The following HS3ST2 variants were observed in gnomAD, a reference collection of about 807,000 sequenced individuals.
HS3ST2 encodes heparan sulfate-glucosamine 3-sulfotransferase 2, also known as heparan sulfate glucosamine 3-O-sulfotransferase 2.
In HS3ST2, 17 loss-of-function variants were observed where a neutral mutation model predicts 26.3. The ratio of observed to expected loss-of-function variants is 0.65; its 90% CI spans 0.44 to 0.97. The LOEUF (loss-of-function observed/expected upper bound fraction) is 0.97. Among genes scored for constraint, HS3ST2 ranks in the 50% least tolerant of loss-of-function variants. The pLI, the probability that HS3ST2 is intolerant of heterozygous loss-of-function variation, is 0.00. For missense variants in HS3ST2, 402 were observed against 501.2 expected (o/e 0.80, Z 1.89); for synonymous variants, 237 against 219.2 (o/e 1.08, Z -0.72).
chr16:22,867,637 G>GA (rs1224329293), intron 1 of HS3ST2, among the ~76,000 whole-genome samples: 1 of 152,148 alleles, frequency 6.6e-6, no homozygotes, highest in South Asian at 2.1e-4. Flanking sequence ...CAGTAGGCAT[G>GA]AAAAAAATGG....
chr16:22,851,431 T>A (rs1901516801), intron 1 of HS3ST2, among the ~76,000 whole-genome samples: 1 of 152,254 alleles, frequency 6.6e-6, no homozygotes, highest in Admixed American at 6.5e-5. Flanking sequence ...AAAGAGCCAA[T>A]AATTGGCAAA....
At chr16:22,883,087 T>G (rs972144767) in intron 1 of HS3ST2, among the ~76,000 whole-genome samples, 1 of 151,588 alleles carries the variant, frequency 6.6e-6, no homozygotes, top group African/African-American at 2.4e-5. Flanking sequence ...ATCTGTATAC[T>G]CCATTTGGGG....
At chr16:22,852,945 T>TA (rs5816194) in intron 1 of HS3ST2, among the ~76,000 whole-genome samples, 40,220 of 152,036 alleles carry the variant, frequency 0.26, 6,908 homozygotes, top group African/African-American at 0.48. Context: ...CTGACTAATC[T>TA]CACGAAAGAA....
At chr16:22,896,831 G>A (rs1015394265) in intron 1 of HS3ST2, among the ~76,000 whole-genome samples, 17 of 151,886 alleles carry the variant, frequency 1.1e-4, no homozygotes, top group Non-Finnish European at 2.5e-4. Context: ...TTGAGACAGA[G>A]TCTTGCTTTG....
intron 1 of HS3ST2, among the ~76,000 whole-genome samples, chr16:22,861,548 T>A (rs1901674480): frequency 6.6e-6 from 1 of 152,034 alleles, no homozygotes; most frequent in Non-Finnish European, 1.5e-5. Flanking sequence ...TCCACAGGCA[T>A]CTGAGCTGTC....
At chr16:22,872,164 G>A (rs565644330) in intron 1 of HS3ST2, among the ~76,000 whole-genome samples, 8 of 152,212 alleles carry the variant, frequency 5.3e-5, no homozygotes, top group Non-Finnish European at 1.0e-4. Context: ...CTTGTGATTT[G>A]TCAGCTGAGC....
intron 1 of HS3ST2, among the ~76,000 whole-genome samples, chr16:22,898,076 T>C (rs1902231109): frequency 6.6e-6 from 1 of 152,260 alleles, no homozygotes; most frequent in Non-Finnish European, 1.5e-5. Flanking sequence ...TAGGCTTTGA[T>C]TCCTTCCCAT....
At chr16:22,841,303 T>C (rs1901352180) in intron 1 of HS3ST2, among the ~76,000 whole-genome samples, 2 of 152,062 alleles carry the variant, frequency 1.3e-5, no homozygotes, top group Non-Finnish European at 2.9e-5. Flanking sequence ...CCTCATGATC[T>C]GCCCGCCTTG....
chr16:22,900,680 G>A (rs763522016), intron 1 of HS3ST2, among the ~76,000 whole-genome samples: 3 of 152,028 alleles, frequency 2.0e-5, no homozygotes, highest in Non-Finnish European at 4.4e-5. Flanking sequence ...GGGCAGGGGC[G>A]GGGAGGAAGA....
At chr16:22,891,249 G>A (rs185793000) in intron 1 of HS3ST2, among the ~76,000 whole-genome samples, 1 of 152,292 alleles carries the variant, frequency 6.6e-6, no homozygotes, top group Non-Finnish European at 1.5e-5. Flanking sequence ...ACAGGTACGA[G>A]GTTAATCATA....
In HS3ST2 at chr16:22,835,156, A is replaced by G. The variant is rs535854543; in HGVS notation, c.485+20061A>G. On this transcript the variant is annotated intron_variant, in intron 1 of 1. Coordinates refer to ENST00000261374, the MANE Select transcript of HS3ST2 (RefSeq NM_006043.2). ...TGTATTCGATTATCAACATATTTGA[A>G]CTTTTCAAATATTCATTTTGTTCAT... 2.0e-5 allele frequency among the ~76,000 whole-genome samples: 3 copies of G among 151,908 alleles called. No individual in the cohort carries two copies. In the East Asian group the frequency reaches 5.8e-4, roughly 29 times the overall value.
chr16:22,889,130 G>A (rs376813695), intron 1 of HS3ST2, among the ~76,000 whole-genome samples: 6 of 152,270 alleles, frequency 3.9e-5, no homozygotes, highest in African/African-American at 1.2e-4. Flanking sequence ...ACACAGAAGT[G>A]TCTACCTAAA....
At chr16:22,851,956 A>G (rs566095518) in intron 1 of HS3ST2, among the ~76,000 whole-genome samples, 26 of 152,308 alleles carry the variant, frequency 1.7e-4, no homozygotes, top group African/African-American at 6.3e-4. Flanking sequence ...TTCCTAAAAG[A>G]TGAGAGACAC....
At chr16:22,886,839 C>T (rs1324479809) in intron 1 of HS3ST2, among the ~76,000 whole-genome samples, 1 of 151,960 alleles carries the variant, frequency 6.6e-6, no homozygotes. Flanking sequence ...TGATTCACTG[C>T]AGCCTGAAGC....
intron 1 of HS3ST2, among the ~76,000 whole-genome samples, chr16:22,826,278 T>A (rs1901085088): frequency 6.6e-6 from 1 of 152,140 alleles, no homozygotes; most frequent in South Asian, 2.1e-4. Context: ...TCAAGAGAGC[T>A]GGTGCCTATG....
Position 22,875,055 on chromosome 16 carries a change from TG to T in HS3ST2, c.486-39888del, listed in dbSNP as rs566356016. 3.3e-5 allele frequency among the ~76,000 whole-genome samples: 5 copies of T among 152,280 alleles called. No homozygotes were observed. The South Asian group carries it at 1.0e-3, about 32-fold the overall frequency. On this transcript the variant is annotated intron_variant, in intron 1 of 1. Coordinates refer to ENST00000261374, the MANE Select transcript of HS3ST2 (RefSeq NM_006043.2). Reference sequence around the variant, plus strand: ...TGGAGACGTGTGCTGTAAAATCCATTGCTAGGCAATTTCAGTGATATTGTTG... The same window carrying T: ...TGGAGACGTGTGCTGTAAAATCCATTCTAGGCAATTTCAGTGATATTGTTG...
chr16:22,818,110 G>A (rs1900900780), intron 1 of HS3ST2, among the ~76,000 whole-genome samples: 1 of 152,152 alleles, frequency 6.6e-6, no homozygotes, highest in Non-Finnish European at 1.5e-5. Flanking sequence ...CATCTCTGAT[G>A]CTTACCTCAA....
rs186100097 is a variant in HS3ST2 at position 22,866,291 on chromosome 16, A to G, written c.486-48653A>G. 1.8e-3 allele frequency among the ~76,000 whole-genome samples: 269 copies of G among 152,034 alleles called. 1 individual carries two copies. Among genetic ancestry groups the G allele is most frequent in the South Asian group, 4.0e-3 (19 of 4,806 alleles). On this transcript the variant is annotated intron_variant, in intron 1 of 1. Coordinates refer to ENST00000261374, the MANE Select transcript of HS3ST2 (RefSeq NM_006043.2). ...GCTGGAACTAATAAAAGATTTTGGC[A>G]GAGGGGAGAATTCGCGCAAGCACGT...
chr16:22,840,887 A>C (rs978021304), intron 1 of HS3ST2, among the ~76,000 whole-genome samples: 1 of 152,098 alleles, frequency 6.6e-6, no homozygotes, highest in Non-Finnish European at 1.5e-5. Context: ...ATATGTATAC[A>C]TGTGCCATGT....
Sources: gnomAD v4.1 joint callset for allele counts (sites outside exome capture counted in the v4.1 genomes callset) on GRCh38, gnomAD v4.1.1 for gene constraint, MANE v1.5 for transcripts, NCBI Gene and HGNC (gene_info 2026-07-23, HGNC 2026-07-21) for gene names.